The following ZNF230 variants were observed in gnomAD, a reference collection of about 807,000 sequenced individuals.
ZNF230 encodes zinc finger protein 230.
Under a neutral mutation model 10.0 loss-of-function variants are expected in ZNF230, and 12 were observed. The ratio of observed to expected loss-of-function variants is 1.20; its 90% CI spans 0.77 to 1.95. ZNF230 has a LOEUF of 1.95. Among genes scored for constraint, ZNF230 ranks in the 30% most tolerant of loss-of-function variants. The pLI is 0.00. For missense variants in ZNF230, 532 were observed against 565.8 expected, an observed-to-expected ratio of 0.94 and a Z score of 0.61; for synonymous variants, 174 against 193.6, an observed-to-expected ratio of 0.90 and a Z score of 0.84.
In ZNF230 at chr19:44,011,363, C is replaced by A; in HGVS notation, c.1324C>A (p.His442Asn). ...TTTCTGTAAAGACCAACAAGGAGACCACAATGGAGAAAACTCATCCAAATG... is the reference window on the plus strand; with the variant it reads ...TTTCTGTAAAGACCAACAAGGAGACAACAATGGAGAAAACTCATCCAAATG... ...RSFCKDQQGDHNGENSSKCED... is the reference protein window; with the variant it reads ...RSFCKDQQGDNNGENSSKCED... The change falls in exon 5 of 5, where the codon CAC (histidine) becomes AAC (asparagine). Residue 442 changes from histidine (H) to asparagine (N), a missense_variant. Transcript: ENST00000429154. 1 of 1,614,010 alleles carries A rather than the reference C, an allele frequency of 6.2e-7. No individual in the cohort carries two copies. Among genetic ancestry groups the A allele is most frequent in the South Asian group, 1.1e-5 (1 of 91,062 alleles).
chr19:44,013,880 C>T lies in ZNF230; in HGVS notation c.*2416C>T, dbSNP rs1187265542. ...AAACTTATTAACGTTAATCACTTAC[C>T]TACCAGGACTCAGAATCTCAGAATA... On this transcript the variant is annotated 3_prime_UTR_variant, in exon 5 of 5. Coordinates refer to ENST00000429154, the MANE Select transcript of ZNF230 (RefSeq NM_006300.4). 6.6e-6 allele frequency: 1 copy of T among 152,100 alleles called. No individual in the cohort carries two copies. Among genetic ancestry groups the T allele is most frequent in the Non-Finnish European group, 1.5e-5 (1 of 68,028 alleles). The allele number at this position is 152,100 out of a possible 1,614,324, so 9.4% of individuals were successfully genotyped here.
In ZNF230 at chr19:44,010,837, G is replaced by T; in HGVS notation, c.798G>T (p.Gln266His). ...KCGRAFIHDF[Q>H]LQKHQIIHTG... Reference sequence around the variant, plus strand: ...GGAGGGCCTTCATTCACGATTTCCAGCTTCAGAAACATCAGATAATTCATA... The same window carrying T: ...GGAGGGCCTTCATTCACGATTTCCATCTTCAGAAACATCAGATAATTCATA... Residue 266 changes from glutamine to histidine, a missense_variant, in exon 5 of 5, where the codon CAG becomes CAT. Transcript: ENST00000429154. The T allele has an allele frequency of 6.2e-7, 1 of 1,614,196 alleles. No individual in the cohort carries two copies. The highest frequency in any genetic ancestry group is 2.2e-5 in the East Asian group (1 of 44,886).
In ZNF230 at chr19:44,011,379, C is replaced by G. The variant is rs368656901; in HGVS notation, c.1340C>G (p.Ser447Ter). 1.9e-6 allele frequency: 3 copies of G among 1,614,044 alleles called. No homozygotes were observed. Among genetic ancestry groups the G allele is most frequent in the Non-Finnish European group, 2.5e-6 (3 of 1,179,938 alleles). The change falls in exon 5 of 5, where the codon TCA (serine) becomes TGA (stop). Residue 447 changes from serine (S) to a stop codon, truncating the protein, a stop_gained. Coordinates refer to ENST00000429154, the MANE Select transcript of ZNF230 (RefSeq NM_006300.4). LOFTEE classifies it low-confidence loss of function (END_TRUNC). The part of the protein sequence containing the change: ...DQQGDHNGEN[S>*]SKCEDCGKRY... ...CAAGGAGACCACAATGGAGAAAACT[C>G]ATCCAAATGTGAGGACTGTGGGAAG...
At position 44,011,154 on chromosome 19, in the gene ZNF230, G is replaced by T. The variant is rs1201539082; in HGVS notation, c.1115G>T (p.Gly372Val). 6.2e-7 allele frequency: 1 copy of T among 1,614,088 alleles called. No individual in the cohort carries two copies. The highest frequency in any genetic ancestry group is 8.5e-7 in the Non-Finnish European group (1 of 1,180,038). ...KPYRCEECGK[G>V]YISKSGLNLH... ...TACAGATGTGAGGAGTGTGGGAAGG[G>T]CTACATTAGTAAGTCAGGTCTTAAC... The change falls in exon 5 of 5, where the codon GGC becomes GTC. Residue 372 changes from glycine (G) to valine (V), a missense_variant. Gly to Val is a moderately radical substitution (Grantham distance 109). Coordinates refer to ENST00000429154, the MANE Select transcript of ZNF230 (RefSeq NM_006300.4).
rs1040392959 is a variant in ZNF230 at position 44,011,488 on chromosome 19, G to A, written c.*24G>A. Reference sequence around the variant, plus strand: ...AAGTTGTACATATATATGGGATATGGTATGAAATTTTAATATGTGTATATA... The same window carrying A: ...AAGTTGTACATATATATGGGATATGATATGAAATTTTAATATGTGTATATA... On this transcript the variant is annotated 3_prime_UTR_variant, in exon 5 of 5. Coordinates refer to ENST00000429154, the MANE Select transcript of ZNF230 (RefSeq NM_006300.4). 27 of 1,538,384 alleles carry A rather than the reference G, an allele frequency of 1.8e-5. No homozygotes were observed. The highest frequency in any genetic ancestry group is 2.4e-5 in the Non-Finnish European group (27 of 1,141,900).
Position 44,010,647 on chromosome 19 carries a change from A to G in ZNF230, c.608A>G (p.Lys203Arg), listed in dbSNP as rs1176360820. The G allele has an allele frequency of 3.1e-6, 5 of 1,614,140 alleles. No homozygotes were observed. Among genetic ancestry groups the G allele is most frequent in the Non-Finnish European group, 4.2e-6 (5 of 1,180,046 alleles). ...CTCTCTAAGTGTGACATGCGTGGTA[A>G]GGAATTCAGTCAGAGCTCATGTCTG... ...EKLSKCDMRGKEFSQSSCLQT... is the reference protein window; with the variant it reads ...EKLSKCDMRGREFSQSSCLQT... Residue 203 changes from lysine to arginine, a missense_variant, in exon 5 of 5, where the codon AAG (lysine) becomes AGG (arginine). Lys to Arg is a conservative substitution (Grantham distance 26). Transcript: ENST00000429154.
intron 4 of ZNF230, among the ~76,000 whole-genome samples, chr19:44,009,862 A>G (rs1976158106): frequency 1.3e-5 from 2 of 152,256 alleles, no homozygotes; most frequent in Non-Finnish European, 2.9e-5. Context: ...GGTAACTTCT[A>G]TATAAGGATA....
Position 44,011,308 on chromosome 19 carries a change from G to A in ZNF230, c.1269G>A (p.Glu423=), listed in dbSNP as rs1261144337. Reference sequence around the variant, plus strand: ...GCCGGAAAAAACCCTTCAAATGTGAGGATTGTGGAAAGAGGCTTGTACACC... The same window carrying A: ...GCCGGAAAAAACCCTTCAAATGTGAAGATTGTGGAAAGAGGCTTGTACACC... The part of the protein sequence containing the change: ...LHCRKKPFKC[E]DCGKRLVHRS... The change falls in exon 5 of 5, where the codon GAG becomes GAA. Residue 423 remains glutamate (E), a synonymous_variant. Coordinates refer to ENST00000429154, the MANE Select transcript of ZNF230 (RefSeq NM_006300.4). The A allele has an allele frequency of 1.7e-5, 27 of 1,613,932 alleles. No homozygotes were observed. Among genetic ancestry groups the A allele is most frequent in the Non-Finnish European group, 2.1e-5 (25 of 1,180,012 alleles).
At chr19:44,005,382 G>T (rs1175830238) in intron 1 of ZNF230, among the ~76,000 whole-genome samples, 2 of 152,060 alleles carry the variant, frequency 1.3e-5, no homozygotes, top group Admixed American at 1.3e-4. Flanking sequence ...GGGTGTGTTG[G>T]TAAGAGGTAT....
rs764757147 is a variant in ZNF230 at position 44,010,990 on chromosome 19, C to T, written c.951C>T (p.Phe317=). 1 of 1,614,200 alleles carries T rather than the reference C, an allele frequency of 6.2e-7. No homozygotes were observed. The highest frequency in any genetic ancestry group is 2.2e-5 in the East Asian group (1 of 44,884). ...AATCTGAGGAGTGTGGAAAAGGCTT[C>T]ACTGATAGCCTAGATTTGCATAAGC... ...LYKSEECGKG[F]TDSLDLHKHQ... The change falls in exon 5 of 5, where the codon TTC becomes TTT. Residue 317 remains phenylalanine (F), a synonymous_variant. Coordinates refer to ENST00000429154, the MANE Select transcript of ZNF230 (RefSeq NM_006300.4).
At chr19:44,008,422 T>C (rs776007091) in intron 2 of ZNF230, among the ~76,000 whole-genome samples, 3 of 152,124 alleles carry the variant, frequency 2.0e-5, no homozygotes, top group Non-Finnish European at 2.9e-5. Context: ...AGGGTTTGGG[T>C]CTGAGAGAGG....
Position 44,011,296 on chromosome 19 carries a change from C to T in ZNF230, c.1257C>T (p.Pro419=). 6.2e-7 allele frequency: 1 copy of T among 1,614,126 alleles called. No individual in the cohort carries two copies. Among genetic ancestry groups the T allele is most frequent in the South Asian group, 1.1e-5 (1 of 91,088 alleles). The change falls in exon 5 of 5, where the codon CCC becomes CCT. Residue 419 remains proline, a synonymous_variant. Coordinates refer to ENST00000429154, the MANE Select transcript of ZNF230 (RefSeq NM_006300.4). ...AGAAACTCCACTGCCGGAAAAAACC[C>T]TTCAAATGTGAGGATTGTGGAAAGA... is the stretch of plus-strand genomic sequence containing the variant. ...NHKKLHCRKK[P]FKCEDCGKRL...
chr19:44,005,464 A>G (rs746935788), intron 1 of ZNF230, among the ~76,000 whole-genome samples: 3 of 152,236 alleles, frequency 2.0e-5, no homozygotes, highest in Non-Finnish European at 2.9e-5. Context: ...ATTGTTATCT[A>G]TTACATATCA....
chr19:44,007,996 G>T (rs1976138362), intron 2 of ZNF230, among the ~76,000 whole-genome samples: 1 of 152,176 alleles, frequency 6.6e-6, no homozygotes, highest in Non-Finnish European at 1.5e-5. Flanking sequence ...TTACATGTAG[G>T]TAGCAAGGGA....
In ZNF230 at chr19:44,010,402, T is replaced by G. The variant is rs1976165676; in HGVS notation, c.363T>G (p.Asp121Glu). ...INNSHFFEQG[D>E]VPSQVEAGLS... ...ATTCTCACTTCTTTGAACAAGGTGATGTCCCCTCCCAGGTTGAGGCAGGAC... is the reference window on the plus strand; with the variant it reads ...ATTCTCACTTCTTTGAACAAGGTGAGGTCCCCTCCCAGGTTGAGGCAGGAC... The change falls in exon 5 of 5, where the codon GAT (aspartate) becomes GAG (glutamate). Residue 121 changes from aspartate to glutamate, a missense_variant. Asp to Glu is a conservative substitution (Grantham distance 45, BLOSUM62 2). Coordinates refer to ENST00000429154, the MANE Select transcript of ZNF230 (RefSeq NM_006300.4). 2 of 1,614,122 alleles carry G rather than the reference T, an allele frequency of 1.2e-6. No individual in the cohort carries two copies. Among genetic ancestry groups the G allele is most frequent in the Non-Finnish European group, 1.7e-6 (2 of 1,180,034 alleles).
rs1397323782 is a variant in ZNF230, at chr19:44,013,715, T to C, written c.*2251T>C. Reference sequence around the variant, plus strand: ...TGTGTTTCTGGGACTTTTTAATGTGTATATACGTAATTTGTGAACAACTAT... The same window carrying C: ...TGTGTTTCTGGGACTTTTTAATGTGCATATACGTAATTTGTGAACAACTAT... On this transcript the variant is annotated 3_prime_UTR_variant, in exon 5 of 5. Coordinates refer to ENST00000429154, the MANE Select transcript of ZNF230 (RefSeq NM_006300.4). 1 of 152,232 alleles carries C rather than the reference T, an allele frequency of 6.6e-6. No individual in the cohort carries two copies. Among genetic ancestry groups the C allele is most frequent in the Non-Finnish European group, 1.5e-5 (1 of 68,038 alleles). The allele number at this position is 152,232 out of a possible 1,614,324, so 9.4% of individuals were successfully genotyped here.
chr19:44,011,225 G>A lies in ZNF230; in HGVS notation c.1186G>A (p.Glu396Lys). ...HTGERPYNCK[E>K]CGKSFSRASS... is the part of the protein sequence containing the mutation. ...TGGAGAGAGACCTTATAATTGTAAG[G>A]AATGTGGGAAGAGCTTTAGCCGGGC... Residue 396 changes from glutamate to lysine, a missense_variant, in exon 5 of 5, where the codon GAA becomes AAA. Physicochemically the swap from Glu to Lys is moderately conservative, Grantham distance 56. Coordinates refer to ENST00000429154, the MANE Select transcript of ZNF230 (RefSeq NM_006300.4). 2 of 1,614,114 alleles carry A rather than the reference G, an allele frequency of 1.2e-6. No homozygotes were observed. The highest frequency in any genetic ancestry group is 3.3e-4 in the Middle Eastern group (2 of 6,062).
chr19:44,012,654 GT>G lies in ZNF230; in HGVS notation c.*1194del. On this transcript the variant is annotated 3_prime_UTR_variant, in exon 5 of 5. Coordinates refer to ENST00000429154, the MANE Select transcript of ZNF230 (RefSeq NM_006300.4). ...CTAGAATGTCAACTACAGGTACCTTGTTTTCTGCATCCTCAGGACCTTAACA... is the reference window on the plus strand; with the variant it reads ...CTAGAATGTCAACTACAGGTACCTTGTTTCTGCATCCTCAGGACCTTAACA... 3 of 349,422 alleles carry G rather than the reference GT, an allele frequency of 8.6e-6. No individual in the cohort carries two copies. The highest frequency in any genetic ancestry group is 6.5e-5 in the South Asian group (3 of 45,934). 21.6% of individuals were successfully genotyped at this position (349,422 alleles called of 1,614,324 possible).
chr19:44,005,074 A>T (rs1378421786), intron 1 of ZNF230, among the ~76,000 whole-genome samples: 5 of 151,652 alleles, frequency 3.3e-5, no homozygotes, highest in Non-Finnish European at 2.9e-5. Context: ...AGTGAGCGAG[A>T]TCGCGCCACT....
Sources: allele counts gnomAD v4.1 joint callset (sites outside exome capture counted in the v4.1 genomes callset), GRCh38; gene constraint gnomAD v4.1.1; transcripts MANE v1.5; gene names NCBI Gene and HGNC (gene_info 2026-07-23, HGNC 2026-07-21).